The following ASZ1 variants were observed in gnomAD, a reference collection of about 807,000 sequenced individuals.
The protein encoded by ASZ1 is ankyrin repeat, SAM and basic leucine zipper domain-containing protein 1.
A neutral mutation model predicts 61.8 loss-of-function variants in ASZ1; 67 were observed. The observed-to-expected ratio is 1.08, with a 90% CI of 0.89 to 1.33. The LOEUF (loss-of-function observed/expected upper bound fraction) is 1.33, where lower values mean the gene tolerates loss of function less well. Among genes scored for constraint, ASZ1 ranks in the 40% most tolerant of loss-of-function variants. The pLI, the probability that ASZ1 is intolerant of heterozygous loss-of-function variation, is 0.00. For synonymous variants in ASZ1, 193 were observed against 192.7 expected (o/e 1.00, Z -0.01); for missense variants, 577 against 554.5 (o/e 1.04, Z -0.41).
chr7:117,391,407 A>T (rs1333649949), intron 4 of ASZ1, among the ~76,000 whole-genome samples: 1 of 152,112 alleles, frequency 6.6e-6, no homozygotes, highest in African/African-American at 2.4e-5. Context: ...AGCATTTCCT[A>T]GTTTTTCTTC....
rs200595803 is a variant in ASZ1, at chr7:117,363,556, C to A, written c.*40G>T. On this transcript the variant is annotated 3_prime_UTR_variant, in exon 13 of 13. Transcript: ENST00000284629. ...TAAAAGCAATGATTTTTGGATGGTT[C>A]AATAAGATGTGTATATATAACTTAA... The A allele has an allele frequency of 5.5e-6, 8 of 1,449,106 alleles. No homozygotes were observed. The highest frequency in any genetic ancestry group is 2.2e-5 in the Admixed American group (1 of 44,582). 89.8% of individuals were successfully genotyped at this position (1,449,106 alleles called of 1,614,324 possible). A position where few individuals can be genotyped will look rare whatever the true frequency, so the allele number is the denominator to read the frequency against.
chr7:117,368,800 C>G (rs1194347208), intron 10 of ASZ1, 83 bp from the exon 11 acceptor site: 1 of 1,578,946 alleles, frequency 6.3e-7, no homozygotes, highest in East Asian at 2.3e-5. Context: ...TACTGAAAAT[C>G]TAGTCATAAA....
In ASZ1 at chr7:117,427,393, T is replaced by C; in HGVS notation, c.68A>G (p.Asp23Gly). Reference protein sequence around the residue: ...GGGESSESEDDGWEIGYLDRT... With the variant: ...GGGESSESEDGGWEIGYLDRT... ...GTCGAGATACCCAATCTCCCAGCCA[T>C]CATCCTCGCTCTCGCTACTCTCGCC... The change falls in exon 1 of 13, where the codon GAT becomes GGT. Residue 23 changes from aspartate to glycine, a missense_variant. Transcript: ENST00000284629. The C allele has an allele frequency of 6.2e-7, 1 of 1,614,180 alleles. No homozygotes were observed.
chr7:117,427,301 G>C (rs970016014), intron 1 of ASZ1, 55 bp downstream of exon 1: 4 of 1,580,788 alleles, frequency 2.5e-6, no homozygotes, highest in Non-Finnish European at 1.7e-6. Context: ...CCTCGCCTTC[G>C]AGGGCCAGGG....
chr7:117,423,689 C>CAAAA (rs60144830), intron 2 of ASZ1, among the ~76,000 whole-genome samples: 7 of 76,476 alleles, frequency 9.2e-5, no homozygotes, highest in East Asian at 7.0e-4. Context: ...ACTAAAAATA[C>CAAAA]AAAAAAAAAA....
intron 7 of ASZ1, 86 bp downstream of exon 7, chr7:117,382,900 T>G: frequency 7.7e-7 from 1 of 1,302,204 alleles, no homozygotes; most frequent in South Asian, 1.7e-5. Flanking sequence ...ATCATATATT[T>G]TAAATAAGTC....
chr7:117,394,062 G>A (rs1796530801), intron 4 of ASZ1, among the ~76,000 whole-genome samples: 1 of 152,064 alleles, frequency 6.6e-6, no homozygotes, highest in South Asian at 2.1e-4. Context: ...CTTATTATAT[G>A]ATGGAAATTT....
Position 117,386,636 on chromosome 7 carries a change from T to C in ASZ1, c.441-827A>G, listed in dbSNP as rs17139772. On this transcript the variant is annotated intron_variant, in intron 4 of 12. Transcript: ENST00000284629. ...GATCTGATTTATACACAAAGAACTT[T>C]GGAAAAGAAAAATAAATAATTTCAG... Among the ~76,000 whole-genome samples, 82 of 152,276 alleles carry C rather than the reference T, an allele frequency of 5.4e-4. No individual in the cohort carries two copies. In the East Asian group the frequency reaches 7.2e-3, roughly 13 times the overall value.
intron 12 of ASZ1, among the ~76,000 whole-genome samples, chr7:117,366,029 C>T (rs910604974): frequency 1.3e-5 from 2 of 152,138 alleles, no homozygotes; most frequent in African/African-American, 2.4e-5. Flanking sequence ...ACTCGGAGGC[C>T]GAGGCAAGTG....
chr7:117,425,808 G>A (rs1156491375), intron 2 of ASZ1, among the ~76,000 whole-genome samples: 3 of 151,394 alleles, frequency 2.0e-5, no homozygotes, highest in Admixed American at 6.6e-5. Flanking sequence ...GGCCGACATG[G>A]TGAAACCCCC....
chr7:117,418,116 T>C (rs1213818562), intron 4 of ASZ1, among the ~76,000 whole-genome samples: 1 of 152,082 alleles, frequency 6.6e-6, no homozygotes, highest in African/African-American at 2.4e-5. Context: ...TTTAGGTGAT[T>C]AGGAGGGTAA....
intron 10 of ASZ1, among the ~76,000 whole-genome samples, chr7:117,377,774 A>G (rs1796163610): frequency 6.6e-6 from 1 of 152,038 alleles, no homozygotes; most frequent in Non-Finnish European, 1.5e-5. Flanking sequence ...GGGAGGAATC[A>G]CTCTTCCTGA....
intron 4 of ASZ1, among the ~76,000 whole-genome samples, chr7:117,389,313 A>G (rs1034713141): frequency 2.6e-5 from 4 of 152,122 alleles, no homozygotes; most frequent in African/African-American, 9.6e-5. Flanking sequence ...TAGTTTTTCA[A>G]CCCTTGACCC....
intron 4 of ASZ1, among the ~76,000 whole-genome samples, chr7:117,400,629 A>C (rs1408928714): frequency 6.6e-6 from 1 of 152,222 alleles, no homozygotes; most frequent in Non-Finnish European, 1.5e-5. Flanking sequence ...AGTAACAGAA[A>C]GGTGACCCTG....
At chr7:117,424,213 T>A (rs1040008018) in intron 2 of ASZ1, among the ~76,000 whole-genome samples, 3 of 152,118 alleles carry the variant, frequency 2.0e-5, no homozygotes, top group African/African-American at 7.2e-5. Context: ...GTACACAGAA[T>A]AACAAAAACT....
At chr7:117,390,407 G>A (rs535941584) in intron 4 of ASZ1, among the ~76,000 whole-genome samples, 2 of 152,050 alleles carry the variant, frequency 1.3e-5, no homozygotes, top group South Asian at 2.1e-4. Flanking sequence ...GGCCTCTAGC[G>A]AGCCTCCCAG....
chr7:117,411,574 A>G (rs1432109084), intron 4 of ASZ1, among the ~76,000 whole-genome samples: 1 of 151,856 alleles, frequency 6.6e-6, no homozygotes, highest in Non-Finnish European at 1.5e-5. Flanking sequence ...GTTTGGATAT[A>G]ACTTGCAAGA....
intron 4 of ASZ1, among the ~76,000 whole-genome samples, chr7:117,414,199 T>C (rs1260983758): frequency 6.6e-6 from 1 of 152,216 alleles, no homozygotes; most frequent in African/African-American, 2.4e-5. Context: ...ATGCTTGTCA[T>C]GGTATCATGA....
intron 4 of ASZ1, among the ~76,000 whole-genome samples, chr7:117,405,080 T>C (rs970265167): frequency 1.3e-5 from 2 of 152,092 alleles, no homozygotes; most frequent in Admixed American, 1.3e-4. Context: ...TTTACCTTGG[T>C]GGTGGCCAAT....
Sources: allele counts gnomAD v4.1 joint callset (sites outside exome capture counted in the v4.1 genomes callset), GRCh38; gene constraint gnomAD v4.1.1; transcripts MANE v1.5; gene names NCBI Gene and HGNC (gene_info 2026-07-23, HGNC 2026-07-21).